Variants in MRC1 observed in about 807,000 individuals in gnomAD.
MRC1 encodes the protein mannose receptor C-type 1, also known as macrophage mannose receptor 1.
A neutral mutation model predicts 102.9 loss-of-function variants in MRC1; 62 were observed. That is an observed-to-expected ratio of 0.60 (90% CI 0.49 to 0.74). MRC1 has a LOEUF of 0.74. Ranked by LOEUF, MRC1 falls within the 30% of genes least tolerant of loss-of-function variation. MRC1 has a pLI of 0.00. For missense variants in MRC1, 1,237 were observed against 862.8 expected (o/e 1.43, Z -5.43); for synonymous variants, 457 against 298.4 (o/e 1.53, Z -5.48).
chr10:17,867,364 C>T (rs565285588), intron 12 of MRC1, among the ~76,000 whole-genome samples: 2 of 141,356 alleles, frequency 1.4e-5, no homozygotes, highest in African/African-American at 2.7e-5. Context: ...TTCTCCTTCT[C>T]CTTCTTCTTC....
chr10:17,825,399 C>T (rs1838458383), intron 2 of MRC1, among the ~76,000 whole-genome samples: 1 of 152,112 alleles, frequency 6.6e-6, no homozygotes, highest in East Asian at 1.9e-4. Flanking sequence ...CTTTTGGCCT[C>T]ATCAGTGTTG....
chr10:17,906,953 TAA>T lies in MRC1; in HGVS notation c.3870_3871del (p.Ser1291Ter). 1 of 824,200 alleles carries T rather than the reference TAA, an allele frequency of 1.2e-6. No homozygotes were observed. The highest frequency in any genetic ancestry group is 2.2e-6 in the Non-Finnish European group (1 of 457,730). The allele number at this position is 824,200 out of a possible 1,614,324, so 51.1% of individuals were successfully genotyped here. On this transcript the variant is annotated frameshift_variant, in exon 27 of 30. Transcript: ENST00000569591. LOFTEE classifies it high-confidence loss of function. ...SFLSYRVEPLKSKTNFWIGLF... is the reference protein window; with the variant it reads ...SFLSYRVEPLXSKTNFWIGLF... The stretch of plus-strand genomic sequence containing the variant: ...TTCTGTCATATCGGGTTGAGCCACT[TAA>T]AAGTAAAACCAATTTTTGGATAGGA...
chr10:17,867,981 C>T (rs1297652099), intron 12 of MRC1, among the ~76,000 whole-genome samples: 2 of 152,166 alleles, frequency 1.3e-5, no homozygotes, highest in African/African-American at 4.8e-5. Context: ...CAATATTCTA[C>T]CACTATTTAA....
rs1554839823 is a variant in MRC1, at chr10:17,840,682, T to A, written c.803-11T>A. On this transcript the variant is annotated splice_polypyrimidine_tract_variant and intron_variant, in intron 4 of 29. Transcript: ENST00000569591. Reference sequence around the variant, plus strand: ...TCTTGTTTGTTTGTTTTGCTTTCTTTAAAAATATAGGATTAACCAGTTCCT... The same window carrying A: ...TCTTGTTTGTTTGTTTTGCTTTCTTAAAAAATATAGGATTAACCAGTTCCT... 5.1e-6 allele frequency: 4 copies of A among 780,268 alleles called. No individual in the cohort carries two copies. Among genetic ancestry groups the A allele is most frequent in the South Asian group, 1.3e-5 (1 of 74,408 alleles). The allele number at this position is 780,268 out of a possible 1,614,324, so 48.3% of individuals were successfully genotyped here. A position where few individuals can be genotyped will look rare whatever the true frequency, so the allele number is the denominator to read the frequency against.
chr10:17,876,661 T>C (rs1045531463), intron 17 of MRC1, among the ~76,000 whole-genome samples: 2 of 152,222 alleles, frequency 1.3e-5, no homozygotes, highest in African/African-American at 4.8e-5. Flanking sequence ...AACTAGTTGT[T>C]ATATGTCAGT....
chr10:17,869,060 G>C (rs1468322997), intron 12 of MRC1, among the ~76,000 whole-genome samples: 3 of 152,176 alleles, frequency 2.0e-5, no homozygotes, highest in African/African-American at 4.8e-5. Context: ...ACCCAGAGCA[G>C]AGAAGGGTAT....
intron 16 of MRC1, among the ~76,000 whole-genome samples, chr10:17,874,685 C>T (rs887193775): frequency 6.7e-6 from 1 of 149,512 alleles, no homozygotes; most frequent in African/African-American, 2.4e-5. Context: ...TGCATCTATT[C>T]GAAGTTTTGC....
chr10:17,893,127 C>T (rs1216074918), intron 22 of MRC1, among the ~76,000 whole-genome samples: 1 of 151,980 alleles, frequency 6.6e-6, no homozygotes, highest in Non-Finnish European at 1.5e-5. Flanking sequence ...TGGCTTCCCT[C>T]AGCCCTTCCT....
chr10:17,910,739 A>T lies in MRC1; in HGVS notation c.*274A>T. 2.2e-6 allele frequency: 1 copy of T among 454,108 alleles called. No homozygotes were observed. Among genetic ancestry groups the T allele is most frequent in the South Asian group, 2.3e-5 (1 of 42,740 alleles). The allele number at this position is 454,108 out of a possible 1,614,324, so 28.1% of individuals were successfully genotyped here. On this transcript the variant is annotated 3_prime_UTR_variant, in exon 30 of 30. Coordinates refer to ENST00000569591, the MANE Select transcript of MRC1 (RefSeq NM_002438.4). ...CCACATCTAAGCATTAGTGATGGGT[A>T]GCTGATGTCAGCTTCATGTGGATTT...
Position 17,854,937 on chromosome 10 carries a change from C to G in MRC1, c.1408-1305C>G, listed in dbSNP as rs979422855. 5.1e-3 allele frequency: 778 copies of G among 152,492 alleles called. 4 individuals are homozygous for G. Among genetic ancestry groups the G allele is most frequent in the Non-Finnish European group, 8.2e-3 (557 of 68,198 alleles). The allele number at this position is 152,492 out of a possible 1,614,324, so 9.4% of individuals were successfully genotyped here. ...AACTCCTGACCTCAGGTGATCCACC[C>G]GCCTTGGCCTCCCAAAGTGCTGGGA... On this transcript the variant is annotated intron_variant, in intron 8 of 29. Transcript: ENST00000569591.
Position 17,875,181 on chromosome 10 carries a change from G to T in MRC1, c.2478G>T (p.Ala826=). ...AGGAAACCATGGACAATGCGCGAGC[G>T]TTTTGCAAGAGGAATTTTGGTGATC... ...KEKETMDNAR[A]FCKRNFGDLV... is the part of the protein sequence containing the mutation. The change falls in exon 17 of 30, where the codon GCG becomes GCT. Residue 826 remains alanine (A), a synonymous_variant. Coordinates refer to ENST00000569591, the MANE Select transcript of MRC1 (RefSeq NM_002438.4). The T allele has an allele frequency of 2.6e-6, 2 of 780,856 alleles. No homozygotes were observed. Among genetic ancestry groups the T allele is most frequent in the Non-Finnish European group, 4.8e-6 (2 of 417,948 alleles). The allele number at this position is 780,856 out of a possible 1,614,324, so 48.4% of individuals were successfully genotyped here.
chr10:17,888,408 C>T (rs1833629755), intron 22 of MRC1, among the ~76,000 whole-genome samples: 2 of 152,174 alleles, frequency 1.3e-5, no homozygotes, highest in African/African-American at 4.8e-5. Context: ...CTGTGATTCA[C>T]TGTAGCTCAA....
intron 4 of MRC1, among the ~76,000 whole-genome samples, chr10:17,839,010 T>A (rs1404702135): frequency 6.6e-6 from 1 of 152,164 alleles, no homozygotes; most frequent in Non-Finnish European, 1.5e-5. Flanking sequence ...AAGATTTGAA[T>A]TTTGCTTCTA....
At chr10:17,853,317 G>C (rs1833013213) in intron 8 of MRC1, among the ~76,000 whole-genome samples, 193 bp downstream of exon 8, 1 of 152,082 alleles carries the variant, frequency 6.6e-6, no homozygotes, top group African/African-American at 2.4e-5. Flanking sequence ...ATTTTCAAGA[G>C]GATCACTGAA....
At chr10:17,835,343 C>A (rs1164913283) in intron 4 of MRC1, among the ~76,000 whole-genome samples, 2 of 152,244 alleles carry the variant, frequency 1.3e-5, no homozygotes, top group African/African-American at 4.8e-5. Flanking sequence ...CTTATTCATT[C>A]ATTCCCAAGA....
At chr10:17,896,389 A>G (rs1286223222) in intron 23 of MRC1, among the ~76,000 whole-genome samples, 1 of 152,192 alleles carries the variant, frequency 6.6e-6, no homozygotes, top group Non-Finnish European at 1.5e-5. Flanking sequence ...CTATAGCACC[A>G]GAATCTTAGG....
At chr10:17,886,355 CCT>C (rs1195814416) in intron 22 of MRC1, among the ~76,000 whole-genome samples, 1,679 of 150,352 alleles carry the variant, frequency 0.011, 29 homozygotes, top group African/African-American at 0.038. Flanking sequence ...TCCCTCCCTC[CCT>C]CTCCCTCTCC....
chr10:17,908,306 T>C (rs982059388), intron 28 of MRC1, among the ~76,000 whole-genome samples: 4 of 152,216 alleles, frequency 2.6e-5, no homozygotes, highest in Non-Finnish European at 5.9e-5. Flanking sequence ...GACAGAATCT[T>C]GCTCTGCCAC....
In MRC1 at chr10:17,880,576, G is replaced by A. The variant is rs1833499388; in HGVS notation, c.2771G>A (p.Arg924Gln). The change falls in exon 20 of 30, where the codon CGA (arginine) becomes CAA (glutamine). Residue 924 changes from arginine to glutamine, a missense_variant. Coordinates refer to ENST00000569591, the MANE Select transcript of MRC1 (RefSeq NM_002438.4). ...TATCCAAACGCCTTCATTTGCCAGC[G>A]ACATAACAGTAGTATCAATGCTACC... ...CGYPNAFICQ[R>Q]HNSSINATTV... 8 of 780,648 alleles carry A rather than the reference G, an allele frequency of 1.0e-5. No homozygotes were observed. The highest frequency in any genetic ancestry group is 2.4e-5 in the East Asian group (1 of 41,264). The allele number at this position is 780,648 out of a possible 1,614,324, so 48.4% of individuals were successfully genotyped here.
Sources: allele counts gnomAD v4.1 joint callset (sites outside exome capture counted in the v4.1 genomes callset), GRCh38; gene constraint gnomAD v4.1.1; transcripts MANE v1.5; gene names NCBI Gene and HGNC (gene_info 2026-07-23, HGNC 2026-07-21).